Variants in MIB1 observed in about 807,000 individuals in gnomAD.
The protein encoded by MIB1 is MIB E3 ubiquitin protein ligase 1.
A neutral mutation model predicts 124.5 loss-of-function variants in MIB1; 278 were observed. The ratio of observed to expected loss-of-function variants is 2.23; its 90% CI spans 2.02 to 2.47. MIB1 has a LOEUF of 2.47. MIB1 is among the 30% of genes most tolerant of loss of function. The pLI is 0.00. For missense variants in MIB1, 957 were observed against 1,254.4 expected (o/e 0.76, Z 3.58); for synonymous variants, 446 against 429.4 (o/e 1.04, Z -0.48).
At chr18:21,730,836 C>T (rs75290210) in intron 1 of MIB1, among the ~76,000 whole-genome samples, 2,118 of 152,302 alleles carry the variant, frequency 0.014, 45 homozygotes, top group African/African-American at 0.044. Context: ...AATAGCTTCT[C>T]ATTGCTATTA....
At chr18:21,742,145 C>T (rs928404582) in intron 1 of MIB1, among the ~76,000 whole-genome samples, 7 of 152,132 alleles carry the variant, frequency 4.6e-5, no homozygotes, top group Middle Eastern at 3.2e-3. Flanking sequence ...AGAGGCCTAT[C>T]TAATAAGCCA....
chr18:21,763,813 T>C (rs1780322523), intron 1 of MIB1, among the ~76,000 whole-genome samples: 1 of 152,200 alleles, frequency 6.6e-6, no homozygotes, highest in South Asian at 2.1e-4. Flanking sequence ...TAATTTAAGC[T>C]ACCATTATCT....
intron 1 of MIB1, among the ~76,000 whole-genome samples, chr18:21,748,997 A>G (rs1273900207): frequency 1.3e-5 from 2 of 152,004 alleles, no homozygotes; most frequent in African/African-American, 4.8e-5. Context: ...CAACCTCAGC[A>G]TCCCAGATTG....
intron 1 of MIB1, among the ~76,000 whole-genome samples, chr18:21,729,884 G>T (rs944369311): frequency 6.6e-6 from 1 of 152,218 alleles, no homozygotes; most frequent in African/African-American, 2.4e-5. Context: ...TGGAGATTAA[G>T]TGTCAACACA....
chr18:21,777,098 T>A (rs1764726669), intron 4 of MIB1, among the ~76,000 whole-genome samples: 1 of 152,094 alleles, frequency 6.6e-6, no homozygotes, highest in African/African-American at 2.4e-5. Flanking sequence ...CAGGTTTTGG[T>A]TTGTTTTTGG....
chr18:21,786,170 C>T (rs941927778), intron 6 of MIB1, among the ~76,000 whole-genome samples: 2 of 151,996 alleles, frequency 1.3e-5, no homozygotes, highest in African/African-American at 2.4e-5. Flanking sequence ...GATCTCGGCT[C>T]ACTGCAAGCT....
intron 12 of MIB1, chr18:21,828,059 A>T (rs2041942958): frequency 6.6e-6 from 1 of 151,956 alleles, no homozygotes; most frequent in Non-Finnish European, 1.5e-5. Context: ...TAATATACAA[A>T]CTGTGTGAAA....
At chr18:21,796,506 A>G (rs929905850) in intron 7 of MIB1, among the ~76,000 whole-genome samples, 16 of 152,164 alleles carry the variant, frequency 1.1e-4, no homozygotes, top group African/African-American at 1.9e-4. Context: ...TGGCACATGT[A>G]TAGCTATGTA....
chr18:21,781,370 T>G (rs1166383461), intron 6 of MIB1, among the ~76,000 whole-genome samples: 17 of 12,164 alleles, frequency 1.4e-3, no homozygotes, highest in African/African-American at 7.9e-3. Flanking sequence ...TCAAGTTATA[T>G]ATATATATAT....
At chr18:21,768,581 C>T in intron 2 of MIB1, 42 bp from the exon 3 acceptor site, 2 of 1,354,632 alleles carry the variant, frequency 1.5e-6, no homozygotes, top group Admixed American at 2.3e-5. Context: ...TTATTGTTAC[C>T]TATTTTTATA....
chr18:21,780,886 A>G (rs1214677885), intron 6 of MIB1, among the ~76,000 whole-genome samples: 1 of 152,152 alleles, frequency 6.6e-6, no homozygotes, highest in Non-Finnish European at 1.5e-5. Context: ...CTGGGTATAT[A>G]TACACCCAGC....
chr18:21,718,621 C>T (rs1038990304), intron 1 of MIB1, among the ~76,000 whole-genome samples: 5 of 152,148 alleles, frequency 3.3e-5, no homozygotes, highest in African/African-American at 1.2e-4. Flanking sequence ...AATCTGAGAG[C>T]GAATTATGCA....
intron 20 of MIB1, among the ~76,000 whole-genome samples, chr18:21,861,566 T>C (rs1007518540): frequency 4.0e-5 from 6 of 151,762 alleles, no homozygotes; most frequent in Non-Finnish European, 7.4e-5. Context: ...CCATATTTTA[T>C]CACTGAAGTA....
At chr18:21,850,366 C>CT (rs1476251299) in intron 17 of MIB1, among the ~76,000 whole-genome samples, 1 of 152,034 alleles carries the variant, frequency 6.6e-6, no homozygotes, top group African/African-American at 2.4e-5. Flanking sequence ...CCATTCCCTT[C>CT]TTTTTATAAT....
chr18:21,835,264 T>G (rs1301732128), intron 12 of MIB1, among the ~76,000 whole-genome samples: 2 of 152,156 alleles, frequency 1.3e-5, no homozygotes, highest in Non-Finnish European at 2.9e-5. Context: ...ATGTGAAAAT[T>G]GTGAAATGGT....
chr18:21,801,071 G>A (rs1163914702), intron 9 of MIB1, among the ~76,000 whole-genome samples: 3 of 152,014 alleles, frequency 2.0e-5, no homozygotes, highest in African/African-American at 7.2e-5. Context: ...GATTTGTTAT[G>A]AAAAATAACA....
chr18:21,767,931 C>T (rs9945577), intron 2 of MIB1, among the ~76,000 whole-genome samples: 58,299 of 151,720 alleles, frequency 0.38, 12,607 homozygotes, highest in East Asian at 0.51. Flanking sequence ...CCCCCCACTG[C>T]CCCCGCCAAT....
At chr18:21,812,064 A>G (rs1032563719) in intron 10 of MIB1, among the ~76,000 whole-genome samples, 12 of 152,308 alleles carry the variant, frequency 7.9e-5, no homozygotes, top group African/African-American at 2.9e-4. Context: ...CTTCAAACAA[A>G]TAATTATACT....
intron 9 of MIB1, chr18:21,803,684 G>T: frequency 2.8e-6 from 1 of 362,756 alleles, no homozygotes; most frequent in Admixed American, 4.2e-5. Flanking sequence ...CAGTTATTTC[G>T]TAACTCTTTG....
Sources: gnomAD v4.1 joint callset for allele counts (sites outside exome capture counted in the v4.1 genomes callset) on GRCh38, gnomAD v4.1.1 for gene constraint, MANE v1.5 for transcripts, NCBI Gene and HGNC (gene_info 2026-07-23, HGNC 2026-07-21) for gene names.